ORC4: variants seen among roughly 807,000 people sequenced by gnomAD.
The protein encoded by ORC4 is origin recognition complex subunit 4, also known as origin recognition complex, subunit 4 homolog.
A neutral mutation model predicts 63.9 loss-of-function variants in ORC4; 55 were observed. The ratio of observed to expected loss-of-function variants is 0.86; its 90% CI spans 0.69 to 1.08. The LOEUF is 1.08. Ranked by LOEUF, ORC4 falls within the 50% of genes least tolerant of loss-of-function variation. The probability of loss-of-function intolerance (pLI) is 0.00; values close to 1 mark genes in which losing one functional copy is unlikely to be tolerated. For synonymous variants in ORC4, 150 were observed against 168.5 expected (o/e 0.89, Z 0.85); for missense variants, 511 against 504.4 (o/e 1.01, Z -0.13).
chr2:148,006,366 G>A (rs954816850), intron 1 of ORC4, among the ~76,000 whole-genome samples: 9 of 152,152 alleles, frequency 5.9e-5, no homozygotes, highest in Admixed American at 2.6e-4. Context: ...TCTAGGGCCC[G>A]GAATAAATTG....
chr2:147,937,309 C>T (rs1395970281), intron 13 of ORC4, among the ~76,000 whole-genome samples: 3 of 152,104 alleles, frequency 2.0e-5, no homozygotes, highest in African/African-American at 7.2e-5. Flanking sequence ...CTACTGAGCA[C>T]TTCAATGTGT....
In ORC4 at chr2:148,008,022, G is replaced by A. The variant is rs76154880; in HGVS notation, c.-18+12611C>T. Among the ~76,000 whole-genome samples the A allele has an allele frequency of 7.3e-3, 1,109 of 152,230 alleles. 21 individuals carry two copies. Among genetic ancestry groups the A allele is most frequent in the African/African-American group, 0.026 (1,066 of 41,532 alleles). On this transcript the variant is annotated intron_variant, in intron 1 of 13. Transcript: ENST00000392857. Reference sequence around the variant, plus strand: ...AATTACTTTTAATGGCAAAAACCACGTTAACTTTTGCACCAATCTAATACA... The same window carrying A: ...AATTACTTTTAATGGCAAAAACCACATTAACTTTTGCACCAATCTAATACA...
chr2:147,986,790 TACAC>T (rs70992183), intron 1 of ORC4, among the ~76,000 whole-genome samples: 38 of 148,536 alleles, frequency 2.6e-4, no homozygotes, highest in East Asian at 6.0e-4. Context: ...CACACACACA[TACAC>T]ACACACACAC....
intron 9 of ORC4, among the ~76,000 whole-genome samples, chr2:147,946,134 TTA>T: frequency 6.6e-6 from 1 of 152,200 alleles, no homozygotes; most frequent in South Asian, 2.1e-4. Context: ...AGTCACGCAG[TTA>T]TACTTCTTCA....
chr2:147,933,728 G>C lies in ORC4; in HGVS notation c.*1782C>G, dbSNP rs17232071. 1.4e-3 allele frequency: 217 copies of C among 152,234 alleles called. No individual in the cohort carries two copies. The highest frequency in any genetic ancestry group is 4.9e-3 in the African/African-American group (203 of 41,558). The allele number at this position is 152,234 out of a possible 1,614,324, so 9.4% of individuals were successfully genotyped here. ...TTTAAAAGGATCACTTAGAGCATAA[G>C]TGTAAAATTCTTGCTTCTAGTATAT... is the stretch of plus-strand genomic sequence containing the variant. On this transcript the variant is annotated 3_prime_UTR_variant, in exon 14 of 14. Coordinates refer to ENST00000392857, the MANE Select transcript of ORC4 (RefSeq NM_181741.4).
At chr2:147,970,702 T>C (rs1573814069) in intron 4 of ORC4, among the ~76,000 whole-genome samples, 2 of 151,250 alleles carry the variant, frequency 1.3e-5, no homozygotes, top group Non-Finnish European at 1.5e-5. Context: ...CAGACCTATA[T>C]ATAAAATGCA....
At chr2:147,958,140 T>C (rs1218993786) in intron 6 of ORC4, among the ~76,000 whole-genome samples, 158 bp downstream of exon 6, 1 of 152,146 alleles carries the variant, frequency 6.6e-6, no homozygotes, top group Non-Finnish European at 1.5e-5. Context: ...AATGACTAAA[T>C]GTATCCTATA....
At chr2:148,020,235 C>G (rs576589986) in intron 1 of ORC4, among the ~76,000 whole-genome samples, 74 of 152,314 alleles carry the variant, frequency 4.9e-4, no homozygotes, top group African/African-American at 1.7e-3. Context: ...TGTGATGCAT[C>G]TGGTCAAAAT....
At chr2:147,944,843 A>T (rs1432246462) in intron 9 of ORC4, among the ~76,000 whole-genome samples, 1 of 151,990 alleles carries the variant, frequency 6.6e-6, no homozygotes, top group African/African-American at 2.4e-5. Context: ...CTCAGGAAAT[A>T]TATTATCTTA....
At chr2:147,990,394 T>TC (rs1360648089) in intron 1 of ORC4, among the ~76,000 whole-genome samples, 2 of 152,160 alleles carry the variant, frequency 1.3e-5, no homozygotes, top group African/African-American at 4.8e-5. Context: ...TTCTTTTTTC[T>TC]CCCCCAGTTG....
At chr2:148,013,302 T>C (rs780421111) in intron 1 of ORC4, among the ~76,000 whole-genome samples, 1 of 152,164 alleles carries the variant, frequency 6.6e-6, no homozygotes, top group African/African-American at 2.4e-5. Flanking sequence ...ACTGACATTA[T>C]AAGGGAAATA....
intron 7 of ORC4, among the ~76,000 whole-genome samples, chr2:147,953,648 A>G (rs1171171172): frequency 6.6e-6 from 1 of 152,216 alleles, no homozygotes; most frequent in Non-Finnish European, 1.5e-5. Context: ...ACTCCCTTGA[A>G]GCACAACTTT....
chr2:147,977,779 A>G (rs572871186), intron 1 of ORC4, among the ~76,000 whole-genome samples: 1 of 152,202 alleles, frequency 6.6e-6, no homozygotes, highest in Non-Finnish European at 1.5e-5. Flanking sequence ...AAGACCTGTT[A>G]CCAGGTGTGT....
Position 147,931,660 on chromosome 2 carries a change from A to G in ORC4, c.*3850T>C, listed in dbSNP as rs1687744001. The G allele has an allele frequency of 1.3e-5, 2 of 152,160 alleles. No homozygotes were observed. The highest frequency in any genetic ancestry group is 1.5e-5 in the Non-Finnish European group (1 of 68,042). 9.4% of individuals were successfully genotyped at this position (152,160 alleles called of 1,614,324 possible). On this transcript the variant is annotated 3_prime_UTR_variant, in exon 14 of 14. Coordinates refer to ENST00000392857, the MANE Select transcript of ORC4 (RefSeq NM_181741.4). ...TGCAAGGCTGGTTCAATATACGCAAATCAATGAATGTAATCCAGCATATAA... is the reference window on the plus strand; with the variant it reads ...TGCAAGGCTGGTTCAATATACGCAAGTCAATGAATGTAATCCAGCATATAA...
Position 147,938,370 on chromosome 2 carries a change from G to C in ORC4, c.982C>G (p.Leu328Val). 2 of 1,603,062 alleles carry C rather than the reference G, an allele frequency of 1.2e-6. No homozygotes were observed. The highest frequency in any genetic ancestry group is 1.1e-5 in the South Asian group (1 of 90,810). Residue 328 changes from leucine to valine, a missense_variant, in exon 12 of 14, where the codon CTT becomes GTT. Coordinates refer to ENST00000392857, the MANE Select transcript of ORC4 (RefSeq NM_181741.4). Reference protein sequence around the residue: ...VHGLSVLEICLIIAMKHLNDI... With the variant: ...VHGLSVLEICVIIAMKHLNDI... ...TTTAAATGTTTCATTGCTATTATAA[G>C]ACAGATTTCCAAGACTGATAGACCT...
At chr2:147,948,424 GC>G (rs1688770517) in intron 8 of ORC4, among the ~76,000 whole-genome samples, 200 bp from the exon 9 acceptor site, 2 of 152,096 alleles carry the variant, frequency 1.3e-5, no homozygotes, top group South Asian at 4.1e-4. Context: ...GTGATGTCAT[GC>G]CTTTTTCCCA....
chr2:147,942,181 C>G (rs1442444332), intron 10 of ORC4, among the ~76,000 whole-genome samples: 1 of 151,976 alleles, frequency 6.6e-6, no homozygotes, highest in Non-Finnish European at 1.5e-5. Context: ...ATATGCCAGT[C>G]CATAAATGGT....
At chr2:148,004,813 C>A (rs1314465988) in intron 1 of ORC4, among the ~76,000 whole-genome samples, 1 of 152,132 alleles carries the variant, frequency 6.6e-6, no homozygotes, top group African/African-American at 2.4e-5. Flanking sequence ...AAAAGCTTAT[C>A]ATTACTGGTC....
intron 4 of ORC4, among the ~76,000 whole-genome samples, chr2:147,960,865 G>A (rs929328368): frequency 2.6e-5 from 4 of 152,154 alleles, no homozygotes; most frequent in African/African-American, 7.2e-5. Flanking sequence ...CGCCAGCATG[G>A]GTGACAGAGA....
Sources: gnomAD v4.1 joint callset for allele counts (sites outside exome capture counted in the v4.1 genomes callset) on GRCh38, gnomAD v4.1.1 for gene constraint, MANE v1.5 for transcripts, NCBI Gene and HGNC (gene_info 2026-07-23, HGNC 2026-07-21) for gene names.